Variants in ANK2 observed in about 807,000 individuals in gnomAD.
The protein encoded by ANK2 is ankyrin 2.
In ANK2, 83 loss-of-function variants were observed where a neutral mutation model predicts 360.5. The observed-to-expected ratio is 0.23, with a 90% confidence interval of 0.19 to 0.28. ANK2 has a LOEUF of 0.28. Ranked by LOEUF, ANK2 falls within the 10% of genes least tolerant of loss-of-function variation. The pLI, the probability that ANK2 is intolerant of heterozygous loss-of-function variation, is 1.00. For missense variants in ANK2, 4,201 were observed against 4,795.7 expected (o/e 0.88, Z 3.66); for synonymous variants, 1,740 against 1,759.5 (o/e 0.99, Z 0.28).
chr4:113,039,856 A>G (rs887638316), intron 2 of ANK2, among the ~76,000 whole-genome samples: 3 of 151,940 alleles, frequency 2.0e-5, no homozygotes, highest in Non-Finnish European at 2.9e-5. Context: ...CATATCTTTT[A>G]AAATATGATT....
At chr4:112,885,671 C>T (rs1207751078) in intron 1 of ANK2, among the ~76,000 whole-genome samples, 1 of 151,226 alleles carries the variant, frequency 6.6e-6, no homozygotes, top group East Asian at 1.9e-4. Flanking sequence ...GTGGCGGGCA[C>T]CTGTAGTCCC....
At chr4:113,044,718 T>A (rs997024636), upstream of ANK2, among the ~76,000 whole-genome samples, 6 of 152,170 alleles carry the variant, frequency 3.9e-5, no homozygotes, top group African/African-American at 1.2e-4. Flanking sequence ...AATTTCTGCC[T>A]CTGTCTTTGC....
intron 25 of ANK2, among the ~76,000 whole-genome samples, chr4:113,318,122 G>A (rs1374878326): frequency 6.6e-6 from 1 of 152,148 alleles, no homozygotes; most frequent in Admixed American, 6.5e-5. Context: ...GAAGTAGGAT[G>A]CATTTAAGGT....
At chr4:112,713,945 CA>C in the ANK2 span, among the ~76,000 whole-genome samples, 19 of 91,446 alleles carry the variant, frequency 2.1e-4, no homozygotes, top group East Asian at 1.3e-3. Context: ...AAAAAAAAAA[CA>C]AAAAAAAAAA....
chr4:112,799,577 C>T, the ANK2 span, among the ~76,000 whole-genome samples: 1 of 151,714 alleles, frequency 6.6e-6, no homozygotes. Flanking sequence ...AGTGCAGTGG[C>T]AGGATCTTGA....
At chr4:112,737,148 G>C in the ANK2 span, among the ~76,000 whole-genome samples, 332 of 152,282 alleles carry the variant, frequency 2.2e-3, 4 homozygotes, top group African/African-American at 7.8e-3. Flanking sequence ...AATATGTTTA[G>C]CATATTGCTA....
At chr4:112,756,751 TC>T in the ANK2 span, among the ~76,000 whole-genome samples, 1 of 152,126 alleles carries the variant, frequency 6.6e-6, no homozygotes, top group Admixed American at 6.6e-5. Context: ...GGCGGGTGGA[TC>T]CCCTGAGGTC....
intron 35 of ANK2, 157 bp from the exon 36 acceptor site, chr4:113,348,119 A>G (rs2095072236): frequency 8.3e-6 from 6 of 719,004 alleles, no homozygotes; most frequent in South Asian, 1.7e-5. Context: ...CCTGTCTTCT[A>G]TAAACTGTTA....
At chr4:112,978,904 G>A (rs1031688846) in intron 2 of ANK2, among the ~76,000 whole-genome samples, 2 of 152,218 alleles carry the variant, frequency 1.3e-5, no homozygotes, top group Admixed American at 1.3e-4. Context: ...AGCCAACTGT[G>A]TAGGCTCATA....
chr4:112,977,914 A>G (rs2041964299), intron 2 of ANK2, among the ~76,000 whole-genome samples: 1 of 152,122 alleles, frequency 6.6e-6, no homozygotes, highest in Non-Finnish European at 1.5e-5. Flanking sequence ...TGAATTTTTA[A>G]ATAAGATTCA....
At chr4:113,149,063 A>G (rs2096939919) in intron 1 of ANK2, 2 of 152,130 alleles carry the variant, frequency 1.3e-5, no homozygotes, top group African/African-American at 4.8e-5. Flanking sequence ...TCCTCCCTCC[A>G]TTTCCCCCTC....
In ANK2 at chr4:112,928,305, G is replaced by GAAAAATAGTATGGTACTAT. The variant is rs567623775; in HGVS notation, c.21+23816_21+23834dup. ...ATAGAGTTAGAAAAAGTCTTAAATAGAAAAATAGTATGGTACTATAAAAAT... is the reference window on the plus strand; with the variant it reads ...ATAGAGTTAGAAAAAGTCTTAAATAGAAAAATAGTATGGTACTATAAAAATAGTATGGTACTATAAAAAT... On this transcript the variant is annotated intron_variant, in intron 2 of 30. Coordinates refer to the ANK2 transcript ENST00000503271. 2.3e-3 allele frequency among the ~76,000 whole-genome samples: 350 copies of GAAAAATAGTATGGTACTAT among 151,482 alleles called. 1 individual carries two copies. Among genetic ancestry groups the GAAAAATAGTATGGTACTAT allele is most frequent in the African/African-American group, 8.1e-3 (336 of 41,248 alleles).
At chr4:113,297,568 A>T (rs2072451233) in intron 22 of ANK2, among the ~76,000 whole-genome samples, 2 of 152,172 alleles carry the variant, frequency 1.3e-5, no homozygotes, top group Admixed American at 6.5e-5. Context: ...TAAAAATTTT[A>T]AAAATAGGAG....
intron 2 of ANK2, among the ~76,000 whole-genome samples, chr4:113,178,255 C>T (rs1022787553): frequency 3.3e-5 from 5 of 151,856 alleles, no homozygotes; most frequent in African/African-American, 9.7e-5. Flanking sequence ...GAGTAAGACC[C>T]TGTCTCTTAA....
intron 7 of ANK2, 136 bp downstream of exon 7, chr4:113,237,758 T>A: frequency 1.3e-6 from 1 of 793,898 alleles, no homozygotes; most frequent in Non-Finnish European, 2.2e-6. Context: ...ACCTTCCCCA[T>A]AATGAAGGCA....
At chr4:113,344,710 G>A (rs1037690771) in intron 34 of ANK2, among the ~76,000 whole-genome samples, 2 of 152,062 alleles carry the variant, frequency 1.3e-5, no homozygotes, top group African/African-American at 4.8e-5. Context: ...TAAAAGGAAG[G>A]AAATTCTAGT....
intron 31 of ANK2, among the ~76,000 whole-genome samples, chr4:113,338,128 T>C (rs2093787781): frequency 6.6e-6 from 1 of 152,232 alleles, no homozygotes; most frequent in Non-Finnish European, 1.5e-5. Context: ...CTGTGTCATG[T>C]AGTTATGCTG....
chr4:112,899,321 T>G (rs189007536), intron 1 of ANK2, among the ~76,000 whole-genome samples: 1 of 152,348 alleles, frequency 6.6e-6, no homozygotes, highest in East Asian at 1.9e-4. Flanking sequence ...CTTAAATTTG[T>G]GTATTTACAT....
chr4:113,277,287 G>A (rs1022655189), intron 15 of ANK2, among the ~76,000 whole-genome samples: 3 of 152,178 alleles, frequency 2.0e-5, no homozygotes, highest in Admixed American at 1.3e-4. Context: ...GATGGGAGTT[G>A]CTTTTTAATA....
Sources: allele counts gnomAD v4.1 joint callset (sites outside exome capture counted in the v4.1 genomes callset), GRCh38; gene constraint gnomAD v4.1.1; transcripts MANE v1.5; gene names NCBI Gene and HGNC (gene_info 2026-07-23, HGNC 2026-07-21).